The following BBS5 variants were observed in gnomAD, a reference collection of about 807,000 sequenced individuals.
BBS5 encodes the protein Bardet-Biedl syndrome 5, also known as BBSome complex member BBS5.
Under a neutral mutation model 50.2 loss-of-function variants are expected in BBS5, and 39 were observed. That is an observed-to-expected ratio of 0.78 (90% CI 0.60 to 1.01). The LOEUF (loss-of-function observed/expected upper bound fraction) is 1.01, where lower values mean the gene tolerates loss of function less well. BBS5 is among the 50% of genes least tolerant of loss of function. The pLI, the probability that BBS5 is intolerant of heterozygous loss-of-function variation, is 0.00. For synonymous variants in BBS5, 134 were observed against 133.1 expected (o/e 1.01, Z -0.05); for missense variants, 356 against 401.5 (o/e 0.89, Z 0.97).
intron 3 of BBS5, 111 bp downstream of exon 3, chr2:169,487,245 A>C (rs533687485): frequency 2.6e-6 from 2 of 760,144 alleles, no homozygotes; most frequent in East Asian, 5.1e-5. Context: ...AAAATAAAAA[A>C]CCTTCAGAAA....
chr2:169,484,914 G>C (rs1683463911), intron 2 of BBS5, among the ~76,000 whole-genome samples: 1 of 152,194 alleles, frequency 6.6e-6, no homozygotes, highest in South Asian at 2.1e-4. Flanking sequence ...AGGCAGGGTA[G>C]AGAGGAAAGT....
intron 1 of BBS5, among the ~76,000 whole-genome samples, 154 bp downstream of exon 1, chr2:169,479,766 G>A (rs965788569): frequency 6.6e-6 from 1 of 152,266 alleles, no homozygotes. Context: ...AGAGACCTCA[G>A]GCTGGTTGGG....
In BBS5 at chr2:169,479,508, AGGCCTGCACGGCTGTGGAG is replaced by A; in HGVS notation, c.-45_-27del. 1 of 1,607,466 alleles carries A rather than the reference AGGCCTGCACGGCTGTGGAG, an allele frequency of 6.2e-7. No individual in the cohort carries two copies. The highest frequency in any genetic ancestry group is 1.3e-5 in the African/African-American group (1 of 74,902). On this transcript the variant is annotated 5_prime_UTR_variant, in exon 1 of 12. Coordinates refer to ENST00000295240, the MANE Select transcript of BBS5 (RefSeq NM_152384.3). ...GCCTTGGAGCCAGAGAGACGCAGCT[AGGCCTGCACGGCTGTGGAG>A]AGATCCTGCCACGGGCCTTGTTCAC... is the stretch of plus-strand genomic sequence containing the variant.
At chr2:169,503,255 T>A in intron 10 of BBS5, 77 bp downstream of exon 10, 17 of 1,120,654 alleles carry the variant, frequency 1.5e-5, no homozygotes, top group Non-Finnish European at 2.1e-5. Context: ...ATGGTGTGTG[T>A]GAAACACCAT....
intron 9 of BBS5, 41 bp downstream of exon 9, chr2:169,499,661 A>G: frequency 6.3e-7 from 1 of 1,599,828 alleles, no homozygotes. Flanking sequence ...GCATTGCTTT[A>G]TGCAGTCTAT....
At chr2:169,498,422 A>T (rs950523814) in intron 8 of BBS5, among the ~76,000 whole-genome samples, 2 of 152,148 alleles carry the variant, frequency 1.3e-5, no homozygotes, top group African/African-American at 4.8e-5. Flanking sequence ...TTTATTGAGT[A>T]TTTACTCTGT....
At position 169,488,647 on chromosome 2, in the gene BBS5, G is replaced by GA. The variant is rs550468409; in HGVS notation, c.386+535dup. ...GGGGGTTTGGGACCCCTGTTTTAGA[G>GA]AATAAAGCTTAGAAGTGTGGTACTG... On this transcript the variant is annotated intron_variant, in intron 5 of 11. Transcript: ENST00000295240. Among the ~76,000 whole-genome samples, 259 of 152,330 alleles carry GA rather than the reference G, an allele frequency of 1.7e-3. 4 individuals are homozygous for GA. Among genetic ancestry groups the GA allele is most frequent in the Non-Finnish European group, 7.1e-4 (48 of 68,034 alleles).
At chr2:169,481,780 A>G (rs113567152) in intron 1 of BBS5, among the ~76,000 whole-genome samples, 1 of 152,012 alleles carries the variant, frequency 6.6e-6, no homozygotes, top group Non-Finnish European at 1.5e-5. Flanking sequence ...CCTTTCCTCT[A>G]CTCAGAAACC....
At position 169,479,533 on chromosome 2, in the gene BBS5, C is replaced by T. The variant is rs1683346539; in HGVS notation, c.-21C>T. 1 of 1,614,094 alleles carries T rather than the reference C, an allele frequency of 6.2e-7. No homozygotes were observed. Among genetic ancestry groups the T allele is most frequent in the Non-Finnish European group, 8.5e-7 (1 of 1,179,926 alleles). On this transcript the variant is annotated 5_prime_UTR_variant, in exon 1 of 12. Coordinates refer to ENST00000295240, the MANE Select transcript of BBS5 (RefSeq NM_152384.3). ...AGGCCTGCACGGCTGTGGAGAGATC[C>T]TGCCACGGGCCTTGTTCACCATGTC...
intron 5 of BBS5, among the ~76,000 whole-genome samples, chr2:169,489,158 A>C (rs1378266001): frequency 6.6e-6 from 1 of 152,030 alleles, no homozygotes; most frequent in African/African-American, 2.4e-5. Context: ...TGTCCTGCTA[A>C]TTTTTAAAAT....
chr2:169,484,535 T>C (rs1447735872), intron 2 of BBS5, among the ~76,000 whole-genome samples: 1 of 152,294 alleles, frequency 6.6e-6, no homozygotes, highest in African/African-American at 2.4e-5. Flanking sequence ...TCCCCTCCCT[T>C]TCAGCAGTTT....
At chr2:169,492,761 A>G in intron 5 of BBS5, 113 bp from the exon 6 acceptor site, 1 of 939,806 alleles carries the variant, frequency 1.1e-6, no homozygotes, top group South Asian at 1.7e-5. Flanking sequence ...ATGTATCATA[A>G]TTATTTGAGT....
At position 169,497,649 on chromosome 2, in the gene BBS5, CA is replaced by C; in HGVS notation, c.645del (p.Lys215AsnfsTer4). ...TAGCGTTCAATAAAGATTAGAGATT[CA>C]AAATTTGGTTTAGCTCTTGTCATAG... is the stretch of plus-strand genomic sequence containing the variant. Reference protein sequence around the residue: ...LQIRSIKIRDSKFGLALVIES... With the variant: ...LQIRSIKIRDXKFGLALVIES... On this transcript the variant is annotated frameshift_variant, in exon 8 of 12. Coordinates refer to ENST00000295240, the MANE Select transcript of BBS5 (RefSeq NM_152384.3). LOFTEE classifies it high-confidence loss of function. The C allele has an allele frequency of 6.3e-7, 1 of 1,598,296 alleles. No individual in the cohort carries two copies. The highest frequency in any genetic ancestry group is 8.6e-7 in the Non-Finnish European group (1 of 1,166,222).
intron 3 of BBS5, among the ~76,000 whole-genome samples, chr2:169,487,459 T>C (rs111818332): frequency 9.9e-5 from 15 of 152,196 alleles, no homozygotes; most frequent in African/African-American, 3.6e-4. Context: ...TTGTGTTAAA[T>C]TTTGTTTCAC....
chr2:169,480,353 C>T (rs1432871775), intron 1 of BBS5, among the ~76,000 whole-genome samples: 1 of 152,172 alleles, frequency 6.6e-6, no homozygotes, highest in African/African-American at 2.4e-5. Context: ...TGTTGAGAAA[C>T]GCTAAAGCTA....
chr2:169,487,439 A>T (rs1217346672), intron 3 of BBS5, among the ~76,000 whole-genome samples: 1 of 152,082 alleles, frequency 6.6e-6, no homozygotes, highest in Non-Finnish European at 1.5e-5. Context: ...ATAAAAGTAT[A>T]ATCTTTTCAT....
At chr2:169,489,997 T>C (rs1683563943) in intron 5 of BBS5, among the ~76,000 whole-genome samples, 1 of 147,894 alleles carries the variant, frequency 6.8e-6, no homozygotes, top group Non-Finnish European at 1.5e-5. Flanking sequence ...TGCCTCAGCC[T>C]CCCGAGTAGC....
chr2:169,500,422 A>C (rs1355475127), intron 9 of BBS5, among the ~76,000 whole-genome samples: 1 of 151,666 alleles, frequency 6.6e-6, no homozygotes, highest in Non-Finnish European at 1.5e-5. Flanking sequence ...TGCTCTTTCC[A>C]TTTGCTCCAC....
In BBS5 at chr2:169,493,778, T is replaced by C; in HGVS notation, c.560T>C (p.Ile187Thr). 1 of 1,613,032 alleles carries C rather than the reference T, an allele frequency of 6.2e-7. No homozygotes were observed. The change falls in exon 7 of 12, where the codon ATT becomes ACT. Residue 187 changes from isoleucine to threonine, a missense_variant. Coordinates refer to ENST00000295240, the MANE Select transcript of BBS5 (RefSeq NM_152384.3). ...LGTFFITNVR[I>T]VWHANMNDSF... is the part of the protein sequence containing the mutation. ...ACCTTTTTTATTACCAATGTGAGAA[T>C]TGTGTGGCATGCAAATATGAATGAT...
Sources: gnomAD v4.1 joint callset for allele counts (sites outside exome capture counted in the v4.1 genomes callset) on GRCh38, gnomAD v4.1.1 for gene constraint, MANE v1.5 for transcripts, NCBI Gene and HGNC (gene_info 2026-07-23, HGNC 2026-07-21) for gene names.